Variants in ING3 observed in about 807,000 individuals in gnomAD.
ING3 encodes the protein inhibitor of growth protein 3.
In ING3, 6 loss-of-function variants were observed where a neutral mutation model predicts 64.8. That is an observed-to-expected ratio of 0.09 (90% CI 0.05 to 0.18). The LOEUF (loss-of-function observed/expected upper bound fraction) is 0.18, where lower values mean the gene tolerates loss of function less well. Ranked by LOEUF, ING3 falls within the 10% of genes least tolerant of loss-of-function variation. The pLI is 1.00. For missense variants in ING3, 310 were observed against 489.7 expected, an observed-to-expected ratio of 0.63 and a Z score of 3.46; for synonymous variants, 170 against 173.7, an observed-to-expected ratio of 0.98 and a Z score of 0.17.
At chr7:120,960,728 GTTTAT>G (rs1795922571) in intron 4 of ING3, among the ~76,000 whole-genome samples, 1 of 152,120 alleles carries the variant, frequency 6.6e-6, no homozygotes, top group Non-Finnish European at 1.5e-5. Context: ...GAAACTGACA[GTTTAT>G]TTTAGTAGCC....
intron 4 of ING3, chr7:120,956,746 A>T: frequency 1.0e-6 from 1 of 978,422 alleles, no homozygotes. Context: ...AACTTAGAAA[A>T]AGGCATTTAC....
intron 11 of ING3, among the ~76,000 whole-genome samples, chr7:120,973,652 G>C (rs1201804793): frequency 6.6e-6 from 1 of 152,146 alleles, no homozygotes; most frequent in Non-Finnish European, 1.5e-5. Flanking sequence ...TCTAATGTGA[G>C]ATTATCTTCC....
Position 120,967,946 on chromosome 7 carries a change from A to G in ING3, c.569A>G (p.Asn190Ser). Residue 190 changes from asparagine (N) to serine (S), a missense_variant, in exon 8 of 12, where the codon AAT (asparagine) becomes AGT (serine). This residue lies in a region of ING3 where 233 missense variants were observed against 289.4 expected (regional missense o/e 0.81). Transcript: ENST00000315870. ...TACATCTACACAGGTTGTCGAAATA[A>G]TAATTCCACAGCCTCTTCTAACAAT... The part of the protein sequence containing the change: ...SKENTLGCRN[N>S]NSTASSNNAY... 1.2e-6 allele frequency: 2 copies of G among 1,614,076 alleles called. No individual in the cohort carries two copies. The highest frequency in any genetic ancestry group is 1.7e-6 in the Non-Finnish European group (2 of 1,179,980).
intron 4 of ING3, among the ~76,000 whole-genome samples, chr7:120,959,707 G>A (rs893953000): frequency 7.7e-6 from 1 of 129,790 alleles, no homozygotes. Flanking sequence ...CTGCAGTGGC[G>A]CTATCCCGGC....
intron 4 of ING3, chr7:120,956,590 T>C (rs1795851022): frequency 1.0e-5 from 10 of 990,038 alleles, no homozygotes; most frequent in Non-Finnish European, 1.1e-5. Flanking sequence ...CAACCTGGGC[T>C]CTTTTGTTCA....
At chr7:120,968,304 C>G (rs1015341726) in intron 8 of ING3, among the ~76,000 whole-genome samples, 3 of 152,098 alleles carry the variant, frequency 2.0e-5, no homozygotes, top group African/African-American at 7.2e-5. Context: ...GTTTATCATG[C>G]GGATTACATG....
In ING3 at chr7:120,969,255, A is replaced by C. The variant is rs758772364; in HGVS notation, c.908+51A>C. On this transcript the variant is annotated intron_variant, in intron 9 of 11. Coordinates refer to ENST00000315870, the MANE Select transcript of ING3 (RefSeq NM_019071.3). ...TATACCTTTACTGAACACTTGGTCT[A>C]CTTGACACTTCAGCCAGGCCTCTCT... 2.5e-5 allele frequency: 35 copies of C among 1,428,160 alleles called. No individual in the cohort carries two copies. The Admixed American group carries it at 6.9e-4, about 28-fold the overall frequency. The allele number at this position is 1,428,160 out of a possible 1,614,324, so 88.5% of individuals were successfully genotyped here. A position where few individuals can be genotyped will look rare whatever the true frequency, so the allele number is the denominator to read the frequency against.
chr7:120,971,606 A>G (rs141735973), intron 10 of ING3, among the ~76,000 whole-genome samples: 49 of 152,256 alleles, frequency 3.2e-4, no homozygotes, highest in African/African-American at 1.1e-3. Context: ...TATACCGAAC[A>G]TGATTTTTCT....
At chr7:120,961,489 CT>C (rs1225654379) in intron 4 of ING3, among the ~76,000 whole-genome samples, 4 of 152,130 alleles carry the variant, frequency 2.6e-5, no homozygotes, top group Non-Finnish European at 4.4e-5. Flanking sequence ...CATGTAGAGA[CT>C]TTAAAAAAGC....
chr7:120,966,781 C>A, intron 6 of ING3, 84 bp downstream of exon 6: 1 of 960,626 alleles, frequency 1.0e-6, no homozygotes, highest in Non-Finnish European at 1.7e-6. Flanking sequence ...TTTAACTCTA[C>A]ACAACCAATT....
At chr7:120,972,630 A>T (rs899124609) in intron 10 of ING3, among the ~76,000 whole-genome samples, 1 of 152,154 alleles carries the variant, frequency 6.6e-6, no homozygotes, top group Non-Finnish European at 1.5e-5. Context: ...GGACCATGTA[A>T]ATATATTTTC....
In ING3 at chr7:120,971,932, C is replaced by CT. The variant is rs552612108; in HGVS notation, c.1101+1053dup. ...ACTGGATATTATTTTCTTTTAAAAA[C>CT]TAAGTACCAATTTGGTAGTTTTATA... On this transcript the variant is annotated intron_variant, in intron 10 of 11. Coordinates refer to ENST00000315870, the MANE Select transcript of ING3 (RefSeq NM_019071.3). 4.4e-4 allele frequency among the ~76,000 whole-genome samples: 67 copies of CT among 152,140 alleles called. 1 individual carries two copies. The East Asian group carries it at 0.013, about 29-fold the overall frequency.
chr7:120,965,367 T>C (rs138215659), intron 5 of ING3, among the ~76,000 whole-genome samples: 10 of 152,354 alleles, frequency 6.6e-5, no homozygotes, highest in African/African-American at 2.2e-4. Flanking sequence ...TGCAAGGCTC[T>C]ATTTGATCTC....
At chr7:120,955,961 C>A in intron 4 of ING3, 1 of 584,522 alleles carries the variant, frequency 1.7e-6, no homozygotes, top group Non-Finnish European at 3.0e-6. Flanking sequence ...CCTTATACAT[C>A]ATTTTGAGAT....
rs774711588 is a variant in ING3 at position 120,968,115 on chromosome 7, C to T, written c.714+24C>T. The T allele has an allele frequency of 6.9e-6, 11 of 1,594,308 alleles. No homozygotes were observed. The African/African-American group carries it at 1.3e-4, about 20-fold the overall frequency. On this transcript the variant is annotated intron_variant, in intron 8 of 11. Transcript: ENST00000315870. ...AGGTAAAAAGTAAAGGGTTTAGAGA[C>T]AAAATGTTACATTTTGTCGGAATCA...
At chr7:120,963,669 T>C (rs1392944035) in intron 4 of ING3, among the ~76,000 whole-genome samples, 2 of 152,148 alleles carry the variant, frequency 1.3e-5, no homozygotes, top group Non-Finnish European at 2.9e-5. Context: ...CTAGAAAAGA[T>C]AGGTCATCTG....
chr7:120,953,163 C>T (rs1249680251), intron 2 of ING3, 141 bp from the exon 3 acceptor site: 3 of 483,652 alleles, frequency 6.2e-6, no homozygotes, highest in East Asian at 7.3e-5. Context: ...TATATTTACA[C>T]AATCAAAGCA....
intron 10 of ING3, 160 bp downstream of exon 10, chr7:120,971,040 T>A (rs1202502087): frequency 2.5e-6 from 2 of 803,618 alleles, no homozygotes; most frequent in Non-Finnish European, 3.8e-6. Flanking sequence ...CTGTAAATAC[T>A]GAGTATAAAG....
intron 3 of ING3, among the ~76,000 whole-genome samples, chr7:120,953,702 T>G (rs1795802039): frequency 6.6e-6 from 1 of 152,208 alleles, no homozygotes; most frequent in Non-Finnish European, 1.5e-5. Flanking sequence ...AGTACTGTAT[T>G]CCAGTTTTGG....
Sources: allele counts gnomAD v4.1 joint callset (sites outside exome capture counted in the v4.1 genomes callset), GRCh38; gene constraint gnomAD v4.1.1; regional missense constraint gnomAD v4.1.1; transcripts MANE v1.5; gene names NCBI Gene and HGNC (gene_info 2026-07-23, HGNC 2026-07-21).